Variants in FGD5 observed in about 807,000 individuals in gnomAD.
FGD5 encodes the protein FYVE, RhoGEF and PH domain-containing protein 5.
In FGD5, 28 loss-of-function variants were observed where a neutral mutation model predicts 133.4. The ratio of observed to expected loss-of-function variants is 0.21; its 90% CI spans 0.16 to 0.29. The LOEUF is 0.29. FGD5 is among the 10% of genes least tolerant of loss of function. The pLI is 1.00. For missense variants in FGD5, 1,858 were observed against 1,895.2 expected (o/e 0.98, Z 0.36); for synonymous variants, 810 against 776.5 (o/e 1.04, Z -0.72).
rs200123013 is a variant in FGD5, at chr3:14,820,768, C to T, written c.1697C>T (p.Pro566Leu). 1.5e-4 allele frequency: 240 copies of T among 1,613,278 alleles called. 1 individual carries two copies. The highest frequency in any genetic ancestry group is 1.9e-4 in the Non-Finnish European group (229 of 1,179,688). The change falls in exon 1 of 20, where the codon CCT (proline) becomes CTT (leucine). Residue 566 changes from proline (P) to leucine (L), a missense_variant. Physicochemically the swap from Pro to Leu is moderately conservative, Grantham distance 98. Coordinates refer to ENST00000285046, the MANE Select transcript of FGD5 (RefSeq NM_152536.4). ...ATTCCAGTGTCCGTGTACCAGGAGC[C>T]TGAGGGGTCAGGGTTGGATGACCAC... ...REIPVSVYQE[P>L]EGSGLDDHRI...
At chr3:14,841,772 G>A (rs918179600) in intron 1 of FGD5, among the ~76,000 whole-genome samples, 7 of 152,134 alleles carry the variant, frequency 4.6e-5, no homozygotes, top group Non-Finnish European at 5.9e-5. Flanking sequence ...CCTGCCCCCA[G>A]AACACACCTC....
chr3:14,847,224 C>G (rs1028078250), intron 1 of FGD5, among the ~76,000 whole-genome samples: 2 of 152,214 alleles, frequency 1.3e-5, no homozygotes, highest in African/African-American at 4.8e-5. Flanking sequence ...AATGTATCAA[C>G]TGGAACTTTT....
chr3:14,828,466 AG>A (rs1487336604), intron 1 of FGD5, among the ~76,000 whole-genome samples: 1 of 152,120 alleles, frequency 6.6e-6, no homozygotes, highest in Non-Finnish European at 1.5e-5. Flanking sequence ...GACAGGGAGG[AG>A]GATTATATGG....
At chr3:14,853,977 C>T (rs1014924629) in intron 1 of FGD5, among the ~76,000 whole-genome samples, 4 of 151,826 alleles carry the variant, frequency 2.6e-5, no homozygotes. Context: ...GGAGACTAGG[C>T]GGGGGGTTTA....
Position 14,819,279 on chromosome 3 carries a change from AG to A in FGD5, c.211del (p.Val71PhefsTer3), listed in dbSNP as rs1162967598. The A allele has an allele frequency of 6.5e-7, 1 of 1,531,994 alleles. No homozygotes were observed. Among genetic ancestry groups the A allele is most frequent in the South Asian group, 1.3e-5 (1 of 79,852 alleles). 94.9% of individuals were successfully genotyped at this position (1,531,994 alleles called of 1,614,324 possible). On this transcript the variant is annotated frameshift_variant, in exon 1 of 20. Transcript: ENST00000285046. LOFTEE classifies it high-confidence loss of function. The surrounding 1 kb of genome is among the most constrained non-coding windows in gnomAD (Gnocchi z 4.1). ...ETDEDYIVVP[R>X]VPLREDEPKD... ...CGACGAGGATTACATCGTGGTCCCC[AG>A]GGTTCCGCTGAGGGAGGATGAACCC...
intron 1 of FGD5, among the ~76,000 whole-genome samples, chr3:14,853,930 C>T (rs1235117559): frequency 1.3e-5 from 2 of 151,962 alleles, no homozygotes; most frequent in East Asian, 3.9e-4. Context: ...ATTCCCTTTA[C>T]AGCACAAGTG....
chr3:14,826,196 A>C (rs980901949), intron 1 of FGD5, among the ~76,000 whole-genome samples: 1 of 152,084 alleles, frequency 6.6e-6, no homozygotes, highest in Non-Finnish European at 1.5e-5. Flanking sequence ...TGTGCCCAGC[A>C]CCCAGATTAT....
chr3:14,854,387 CTTTT>C (rs1040857858), intron 1 of FGD5, among the ~76,000 whole-genome samples: 17 of 134,400 alleles, frequency 1.3e-4, no homozygotes, highest in South Asian at 2.4e-4. Context: ...TGTTTCTTTT[CTTTT>C]TATTTATTTA....
intron 9 of FGD5, among the ~76,000 whole-genome samples, chr3:14,902,827 A>G (rs1272842786): frequency 1.3e-5 from 2 of 152,082 alleles, no homozygotes; most frequent in African/African-American, 4.8e-5. Flanking sequence ...AGAGAGAAAA[A>G]CTAGGTCAGG....
At chr3:14,832,693 G>A (rs2036739906) in intron 1 of FGD5, among the ~76,000 whole-genome samples, 1 of 152,158 alleles carries the variant, frequency 6.6e-6, no homozygotes, top group African/African-American at 2.4e-5. Flanking sequence ...AATGGTTCTT[G>A]CCTCTTTCTA....
At chr3:14,874,541 T>C (rs9822464) in intron 2 of FGD5, among the ~76,000 whole-genome samples, 26,662 of 151,884 alleles carry the variant, frequency 0.18, 2,764 homozygotes, top group East Asian at 0.4. Flanking sequence ...AGTAGAATAG[T>C]GGTTGCCGGG....
At chr3:14,817,616 G>C (rs912518919), upstream of FGD5, among the ~76,000 whole-genome samples, 1 of 152,192 alleles carries the variant, frequency 6.6e-6, no homozygotes, top group Non-Finnish European at 1.5e-5. Flanking sequence ...ATGTTTCAGG[G>C]ACAACACTGG....
intron 1 of FGD5, among the ~76,000 whole-genome samples, chr3:14,839,685 C>A (rs1332030681): frequency 6.6e-6 from 1 of 152,162 alleles, no homozygotes; most frequent in East Asian, 1.9e-4. Flanking sequence ...GTAATCCCAG[C>A]ACTTTGGGAG....
intron 2 of FGD5, among the ~76,000 whole-genome samples, chr3:14,869,122 G>A (rs1468436935): frequency 3.9e-5 from 6 of 152,060 alleles, no homozygotes; most frequent in African/African-American, 1.2e-4. Flanking sequence ...GTCAAACCCC[G>A]TCTCTACTAA....
rs182914160 is a variant in FGD5 at position 14,934,501 on chromosome 3, G to C, written c.*1334G>C. On this transcript the variant is annotated 3_prime_UTR_variant, in exon 20 of 20. Coordinates refer to ENST00000285046, the MANE Select transcript of FGD5 (RefSeq NM_152536.4). ...TTACTTGCATTAAATATTTTCAGGG[G>C]AATTTTTTTTTCCAGTTTGCAGTTC... 1 of 152,138 alleles carries C rather than the reference G, an allele frequency of 6.6e-6. No individual in the cohort carries two copies. Among genetic ancestry groups the C allele is most frequent in the Non-Finnish European group, 1.5e-5 (1 of 68,024 alleles). 9.4% of individuals were successfully genotyped at this position (152,138 alleles called of 1,614,324 possible).
chr3:14,919,951 T>C (rs2038642066), intron 13 of FGD5, among the ~76,000 whole-genome samples: 1 of 152,172 alleles, frequency 6.6e-6, no homozygotes, highest in Non-Finnish European at 1.5e-5. Context: ...CATTTGAATT[T>C]GGGGGGACAC....
At chr3:14,828,321 A>G (rs1007818019) in intron 1 of FGD5, among the ~76,000 whole-genome samples, 1 of 152,186 alleles carries the variant, frequency 6.6e-6, no homozygotes, top group Admixed American at 6.5e-5. Context: ...CATTGCAGGA[A>G]AAGTAGGCTT....
At chr3:14,835,583 G>A (rs979163484) in intron 1 of FGD5, among the ~76,000 whole-genome samples, 8 of 152,008 alleles carry the variant, frequency 5.3e-5, no homozygotes, top group African/African-American at 1.7e-4. Flanking sequence ...TAACGTAGCC[G>A]CCGCATACTT....
At chr3:14,823,297 A>G (rs2036540173) in intron 1 of FGD5, among the ~76,000 whole-genome samples, 1 of 152,152 alleles carries the variant, frequency 6.6e-6, no homozygotes, top group Non-Finnish European at 1.5e-5. Flanking sequence ...TACCCAGTGT[A>G]CTTGAAATCC....
Sources: gnomAD v4.1 joint callset for allele counts (sites outside exome capture counted in the v4.1 genomes callset) on GRCh38, gnomAD v4.1.1 for gene constraint, Gnocchi (gnomAD v3.1) non-coding constraint, MANE v1.5 for transcripts, NCBI Gene and HGNC (gene_info 2026-07-23, HGNC 2026-07-21) for gene names.